Variants in KGD4 observed in about 807,000 individuals in gnomAD.
The protein encoded by KGD4 is alpha-ketoglutarate dehydrogenase component 4.
chr5:69,217,978 G>T, the KGD4 span: 2 of 1,583,084 alleles, frequency 1.3e-6, no homozygotes, highest in Non-Finnish European at 1.7e-6. Context: ...CGGTGACCGC[G>T]CCTCTGCGGA....
the KGD4 span, among the ~76,000 whole-genome samples, chr5:69,227,791 A>G: frequency 6.6e-6 from 1 of 152,188 alleles, no homozygotes; most frequent in Non-Finnish European, 1.5e-5. Flanking sequence ...TCATTATTTT[A>G]CATTTTTGTA....
the KGD4 span, among the ~76,000 whole-genome samples, chr5:69,220,250 A>G: frequency 6.6e-6 from 1 of 151,854 alleles, no homozygotes; most frequent in Non-Finnish European, 1.5e-5. Flanking sequence ...AAAAAAACAT[A>G]GAGCTTAGAA....
chr5:69,220,425 G>T, the KGD4 span, among the ~76,000 whole-genome samples: 1 of 152,012 alleles, frequency 6.6e-6, no homozygotes, highest in South Asian at 2.1e-4. Flanking sequence ...GAAAGCCAAG[G>T]TGGGAAGATT....
the KGD4 span, among the ~76,000 whole-genome samples, chr5:69,227,797 T>C: frequency 6.6e-6 from 1 of 152,196 alleles, no homozygotes; most frequent in African/African-American, 2.4e-5. Context: ...TTTTACATTT[T>C]TGTAATTCAT....
At chr5:69,228,385 C>T in the KGD4 span, 5 of 1,594,624 alleles carry the variant, frequency 3.1e-6, no homozygotes, top group Non-Finnish European at 4.3e-6. Flanking sequence ...GGAATTTATC[C>T]AAGTATGTCG....
At chr5:69,224,250 G>T in the KGD4 span, among the ~76,000 whole-genome samples, 2 of 151,926 alleles carry the variant, frequency 1.3e-5, no homozygotes, top group African/African-American at 4.8e-5. Flanking sequence ...AATTAGCGGG[G>T]TGTGGTGGCG....
At chr5:69,224,465 G>C in the KGD4 span, among the ~76,000 whole-genome samples, 1 of 151,790 alleles carries the variant, frequency 6.6e-6, no homozygotes, top group African/African-American at 2.4e-5. Flanking sequence ...GCTCTTCTGT[G>C]TTCTTCCAAA....
chr5:69,224,645 A>G, the KGD4 span, among the ~76,000 whole-genome samples: 3 of 151,886 alleles, frequency 2.0e-5, no homozygotes, highest in African/African-American at 7.3e-5. Flanking sequence ...GAAATCCTAG[A>G]ACTTTGGGAG....
chr5:69,229,515 T>C, the KGD4 span: 1 of 264,652 alleles, frequency 3.8e-6, no homozygotes, highest in Non-Finnish European at 7.0e-6. Flanking sequence ...TGTTGAACTA[T>C]TAAAAGCACA....
the KGD4 span, among the ~76,000 whole-genome samples, chr5:69,218,452 ATG>A: frequency 1.4e-5 from 2 of 140,036 alleles, no homozygotes; most frequent in Non-Finnish European, 3.1e-5. Flanking sequence ...TTTAATTAGT[ATG>A]TGTGTGTGTA....
the KGD4 span, among the ~76,000 whole-genome samples, chr5:69,221,353 C>T: frequency 6.6e-6 from 1 of 152,062 alleles, no homozygotes; most frequent in East Asian, 1.9e-4. Flanking sequence ...TGTAACAGAG[C>T]AAGACCTGGT....
chr5:69,228,237 C>T, the KGD4 span: 1 of 1,600,912 alleles, frequency 6.2e-7, no homozygotes, highest in South Asian at 1.2e-5. Context: ...TACCATCTCA[C>T]TCTTCTGTAA....
the KGD4 span, chr5:69,217,775 T>TCC: frequency 1.2e-6 from 2 of 1,609,816 alleles, no homozygotes; most frequent in Admixed American, 3.4e-5. Context: ...TGCCCGGGAC[T>TCC]CCAGTGATCG....
At chr5:69,218,192 C>T in the KGD4 span, 4 of 375,996 alleles carry the variant, frequency 1.1e-5, no homozygotes, top group South Asian at 9.4e-5. Context: ...GGTGAGGCGA[C>T]CCTGGCGGTA....
the KGD4 span, chr5:69,217,972 G>T: frequency 6.3e-7 from 1 of 1,591,412 alleles, no homozygotes; most frequent in South Asian, 1.1e-5. Context: ...GCAGAGCGGT[G>T]ACCGCGCCTC....
At chr5:69,218,012 T>G in the KGD4 span, 3 of 1,363,976 alleles carry the variant, frequency 2.2e-6, no homozygotes, top group Non-Finnish European at 3.1e-6. Flanking sequence ...CGCCCGCGGG[T>G]GTGTGTGAGG....
At chr5:69,228,681 C>G in the KGD4 span, among the ~76,000 whole-genome samples, 1 of 152,044 alleles carries the variant, frequency 6.6e-6, no homozygotes, top group African/African-American at 2.4e-5. Flanking sequence ...AATTTAAGGA[C>G]AGGTCAACCT....
the KGD4 span, among the ~76,000 whole-genome samples, chr5:69,220,192 A>C: frequency 3.3e-5 from 5 of 152,010 alleles, no homozygotes; most frequent in African/African-American, 4.8e-5. Context: ...ATGCCACTGC[A>C]TTCCAGCCTG....
At chr5:69,220,989 C>T in the KGD4 span, among the ~76,000 whole-genome samples, 4 of 152,136 alleles carry the variant, frequency 2.6e-5, no homozygotes, top group African/African-American at 7.2e-5. Context: ...AGGCAGCATG[C>T]TCGTTAAGAG....
Sources: allele counts gnomAD v4.1 joint callset (sites outside exome capture counted in the v4.1 genomes callset), GRCh38; gene constraint gnomAD v4.1.1; transcripts MANE v1.5; gene names NCBI Gene and HGNC (gene_info 2026-07-23, HGNC 2026-07-21).